The following TTC28 variants were observed in gnomAD, a reference collection of about 807,000 sequenced individuals.
TTC28 encodes the protein tetratricopeptide repeat domain 28, also known as tetratricopeptide repeat protein 28.
Under a neutral mutation model 198.0 loss-of-function variants are expected in TTC28, and 61 were observed. The observed-to-expected ratio is 0.31, with a 90% CI of 0.25 to 0.38. TTC28 has a LOEUF of 0.38. Among genes scored for constraint, TTC28 ranks in the 10% least tolerant of loss-of-function variants. The pLI is 1.00. For synonymous variants in TTC28, 1,171 were observed against 1,297.8 expected (o/e 0.90, Z 2.10); for missense variants, 2,678 against 3,164.0 (o/e 0.85, Z 3.69).
At chr22:28,032,168 G>GTGTA (rs1181046809) in intron 12 of TTC28, among the ~76,000 whole-genome samples, 1 of 91,080 alleles carries the variant, frequency 1.1e-5, no homozygotes, top group African/African-American at 4.4e-5. Flanking sequence ...CTTAGTGTGT[G>GTGTA]TATATATATA....
intron 2 of TTC28, among the ~76,000 whole-genome samples, chr22:28,518,250 T>C (rs1172051634): frequency 2.6e-5 from 4 of 152,186 alleles, no homozygotes; most frequent in Admixed American, 1.3e-4. Flanking sequence ...AGAACTGAGA[T>C]GTTATCTGGT....
intron 1 of TTC28, among the ~76,000 whole-genome samples, chr22:28,659,197 T>A (rs549296729): frequency 1.3e-5 from 2 of 152,246 alleles, no homozygotes; most frequent in East Asian, 3.9e-4. Flanking sequence ...AAACAAAAAA[T>A]AACTCCATCA....
rs1407088461 is a variant in TTC28, at chr22:27,998,947, C to T, written c.4712G>A (p.Ser1571Asn). Residue 1571 changes from serine to asparagine, a missense_variant, in exon 16 of 23, where the codon AGC becomes AAC. Ser to Asn is a conservative substitution (Grantham distance 46). Coordinates refer to ENST00000397906, the MANE Select transcript of TTC28 (RefSeq NM_001145418.2). ...SMDGNPASSK[S>N]SFGHPYTIPE... ...GATCGTGTAGGGGTGGCCGAAGGAG[C>T]TCTTGCTGCTGGCAGGGTTGCCGTC... The T allele has an allele frequency of 6.4e-7, 1 of 1,550,720 alleles. No individual in the cohort carries two copies. The highest frequency in any genetic ancestry group is 1.4e-5 in the African/African-American group (1 of 73,014).
chr22:28,085,464 C>G lies in TTC28; in HGVS notation c.3932+8616G>C, dbSNP rs9720411. On this transcript the variant is annotated intron_variant, in intron 12 of 22. Coordinates refer to ENST00000397906, the MANE Select transcript of TTC28 (RefSeq NM_001145418.2). ...TCCTTTACAGACAAGCAAATGCTGA[C>G]AGATTTTGTCACCACCAGGCCTGCC... Among the ~76,000 whole-genome samples, 24 of 151,102 alleles carry G rather than the reference C, an allele frequency of 1.6e-4. 1 individual carries two copies. The highest frequency in any genetic ancestry group is 6.3e-4 in the South Asian group (3 of 4,752).
At chr22:28,429,267 T>C (rs2047399072) in intron 2 of TTC28, among the ~76,000 whole-genome samples, 1 of 152,178 alleles carries the variant, frequency 6.6e-6, no homozygotes, top group South Asian at 2.1e-4. Flanking sequence ...TGATCCTACC[T>C]AAAAGCTGCT....
In TTC28 at chr22:28,096,250, C is replaced by T; in HGVS notation, c.3706G>A (p.Val1236Met). Residue 1236 changes from valine (V) to methionine (M), a missense_variant, in exon 11 of 23, where the codon GTG (valine) becomes ATG (methionine). Val to Met is a conservative substitution (Grantham distance 21, BLOSUM62 1). Around this residue, in one of 8 missense-constraint regions of TTC28, gnomAD observed 727 missense variants for 861.9 expected, o/e 0.84. Transcript: ENST00000397906. The part of the protein sequence containing the change: ...LEMVNGQRGL[V>M]LYYSLAAGYL... Reference sequence around the variant, plus strand: ...CCTGCAGCCAGGGAATAGTAAAGCACTAGTCCCCTCTGGCCATTTACCATC... The same window carrying T: ...CCTGCAGCCAGGGAATAGTAAAGCATTAGTCCCCTCTGGCCATTTACCATC... The T allele has an allele frequency of 6.4e-7, 1 of 1,551,646 alleles. No homozygotes were observed. The highest frequency in any genetic ancestry group is 1.4e-5 in the African/African-American group (1 of 73,130).
In TTC28 at chr22:27,998,984, T is replaced by G. The variant is rs1201555025; in HGVS notation, c.4675A>C (p.Thr1559Pro). ...GCAGGGTTGCCGTCCATGCTGGGCG[T>G]GAGGACCAAGGCCGACAGCTTCCAG... The part of the protein sequence containing the change: ...ISWKLSALVL[T>P]PSMDGNPASS... The change falls in exon 16 of 23, where the codon ACG becomes CCG. Residue 1559 changes from threonine (T) to proline (P), a missense_variant. Around this residue, in one of 8 missense-constraint regions of TTC28, gnomAD observed 727 missense variants for 861.9 expected, o/e 0.84. Transcript: ENST00000397906. 6.4e-7 allele frequency: 1 copy of G among 1,550,466 alleles called. No individual in the cohort carries two copies. The highest frequency in any genetic ancestry group is 2.0e-5 in the Admixed American group (1 of 50,992).
rs1229542302 is a variant in TTC28, at chr22:28,310,167, CACACACAA to C, written c.382-3532_382-3525del. ...ACACACACACACACACACACACACACACACACAAAAAACAAGACAAGAGCACCCTCAAG... is the reference window on the plus strand; with the variant it reads ...ACACACACACACACACACACACACACAAAACAAGACAAGAGCACCCTCAAG... On this transcript the variant is annotated intron_variant, in intron 2 of 22. Coordinates refer to ENST00000397906, the MANE Select transcript of TTC28 (RefSeq NM_001145418.2). Among the ~76,000 whole-genome samples, 673 of 139,258 alleles carry C rather than the reference CACACACAA, an allele frequency of 4.8e-3. 10 individuals are homozygous for C. Among genetic ancestry groups the C allele is most frequent in the Middle Eastern group, 0.029 (8 of 274 alleles). The allele number at this position is 139,258 out of a possible 152,430, so 91.4% of individuals were successfully genotyped here.
At position 27,989,870 on chromosome 22, in the gene TTC28, C is replaced by T; in HGVS notation, c.5707+8G>A. ...AGAACCCATTTAAGTCAAGGATTCTCTGCCTACCTAGAGCTGCCAGGAACT... is the reference window on the plus strand; with the variant it reads ...AGAACCCATTTAAGTCAAGGATTCTTTGCCTACCTAGAGCTGCCAGGAACT... On this transcript the variant is annotated splice_region_variant and intron_variant, in intron 21 of 22. Transcript: ENST00000397906. 1 of 1,548,320 alleles carries T rather than the reference C, an allele frequency of 6.5e-7. No individual in the cohort carries two copies. The highest frequency in any genetic ancestry group is 2.4e-5 in the East Asian group (1 of 40,840).
chr22:28,198,287 A>T (rs1925574737), intron 5 of TTC28, among the ~76,000 whole-genome samples: 1 of 152,064 alleles, frequency 6.6e-6, no homozygotes, highest in Non-Finnish European at 1.5e-5. Context: ...ACCCCCTCAA[A>T]ATTTTGACAA....
chr22:28,095,615 T>G (rs1941948940), intron 11 of TTC28, among the ~76,000 whole-genome samples: 1 of 152,234 alleles, frequency 6.6e-6, no homozygotes, highest in Non-Finnish European at 1.5e-5. Flanking sequence ...AATTAGTGTT[T>G]CTGTATTTAG....
rs1022142542 is a variant in TTC28 at position 28,193,624 on chromosome 22, A to G, written c.934-30025T>C. On this transcript the variant is annotated intron_variant, in intron 5 of 22. Transcript: ENST00000397906. ...AAGCAAATGGAAAACAAAAAAAGGC[A>G]GGGGTTGCAAACCTAGTCTCGGATA... Among the ~76,000 whole-genome samples the G allele has an allele frequency of 2.6e-5, 4 of 152,210 alleles. No homozygotes were observed. The South Asian group carries it at 8.3e-4, about 32-fold the overall frequency.
chr22:28,368,634 T>C (rs547303245), intron 2 of TTC28, among the ~76,000 whole-genome samples: 2 of 152,232 alleles, frequency 1.3e-5, no homozygotes, highest in East Asian at 1.9e-4. Flanking sequence ...TATGATCTTA[T>C]GTTTGGAAAA....
chr22:28,613,686 A>G (rs1216222838), intron 2 of TTC28, among the ~76,000 whole-genome samples: 1 of 152,228 alleles, frequency 6.6e-6, no homozygotes, highest in Admixed American at 6.5e-5. Flanking sequence ...AGAATCAAAG[A>G]CAAAAACCAC....
intron 2 of TTC28, among the ~76,000 whole-genome samples, chr22:28,409,993 T>C: frequency 6.6e-6 from 1 of 151,702 alleles, no homozygotes; most frequent in East Asian, 1.9e-4. Context: ...ACGATCTCAG[T>C]TCACTGCAAT....
chr22:28,460,869 GAGAC>G (rs1418136093), intron 2 of TTC28, among the ~76,000 whole-genome samples: 1 of 151,962 alleles, frequency 6.6e-6, no homozygotes, highest in Non-Finnish European at 1.5e-5. Context: ...TTTTTTTGTA[GAGAC>G]GGGTTTCGCC....
At chr22:28,104,892 C>T (rs886458392) in intron 8 of TTC28, among the ~76,000 whole-genome samples, 2 of 152,084 alleles carry the variant, frequency 1.3e-5, no homozygotes, top group Non-Finnish European at 2.9e-5. Flanking sequence ...TGATTCGAAC[C>T]CTTATAATTT....
chr22:28,600,312 G>T (rs1007913758), intron 2 of TTC28, among the ~76,000 whole-genome samples: 1 of 152,066 alleles, frequency 6.6e-6, no homozygotes, highest in Admixed American at 6.6e-5. Context: ...GGCTAAGGTC[G>T]GGGGGTTGCT....
intron 5 of TTC28, among the ~76,000 whole-genome samples, chr22:28,245,165 C>T (rs559499634): frequency 1.3e-5 from 2 of 152,254 alleles, no homozygotes; most frequent in East Asian, 3.9e-4. Flanking sequence ...GGAACAGTAG[C>T]TTCCCTTTGG....
Sources: allele counts gnomAD v4.1 joint callset (sites outside exome capture counted in the v4.1 genomes callset), GRCh38; gene constraint gnomAD v4.1.1; regional missense constraint gnomAD v4.1.1; transcripts MANE v1.5; gene names NCBI Gene and HGNC (gene_info 2026-07-23, HGNC 2026-07-21).